The following TRABD2A variants were observed in gnomAD, a reference collection of about 807,000 sequenced individuals.
TRABD2A encodes metalloprotease TIKI1.
Under a neutral mutation model 45.6 loss-of-function variants are expected in TRABD2A, and 43 were observed. The ratio of observed to expected loss-of-function variants is 0.94; its 90% CI spans 0.74 to 1.22. TRABD2A has a LOEUF of 1.22. Among genes scored for constraint, TRABD2A ranks in the 50% most tolerant of loss-of-function variants. The pLI, the probability that TRABD2A is intolerant of heterozygous loss-of-function variation, is 0.00. For missense variants in TRABD2A, 642 were observed against 652.4 expected, an observed-to-expected ratio of 0.98 and a Z score of 0.17; for synonymous variants, 269 against 265.0, an observed-to-expected ratio of 1.02 and a Z score of -0.15.
At chr2:84,837,470 A>G (rs1379412751) in intron 4 of TRABD2A, 3 of 152,190 alleles carry the variant, frequency 2.0e-5, no homozygotes, top group Non-Finnish European at 4.4e-5. Context: ...AAAACTAGAC[A>G]TTTAAATAAT....
intron 5 of TRABD2A, among the ~76,000 whole-genome samples, chr2:84,824,571 G>C (rs1271643578): frequency 9.8e-6 from 1 of 101,984 alleles, no homozygotes; most frequent in African/African-American, 3.7e-5. Flanking sequence ...TTTTTTTTGA[G>C]ATCGGGTTTC....
intron 3 of TRABD2A, 81 bp from the exon 4 acceptor site, chr2:84,839,404 C>T: frequency 2.2e-6 from 3 of 1,348,844 alleles, no homozygotes; most frequent in Non-Finnish European, 3.0e-6. Flanking sequence ...TCAAATCCCC[C>T]AACCTAGATG....
chr2:84,863,239 C>CTTTTTTTTTTTTTTTTGT (rs1682555822), intron 2 of TRABD2A, among the ~76,000 whole-genome samples: 1 of 98,132 alleles, frequency 1.0e-5, no homozygotes, highest in African/African-American at 4.4e-5. Context: ...TCATGTGAAT[C>CTTTTTTTTTTTTTTTTGT]TTTTTTTTTT....
chr2:84,855,130 A>C (rs749074642), intron 2 of TRABD2A, among the ~76,000 whole-genome samples: 1 of 152,038 alleles, frequency 6.6e-6, no homozygotes, highest in Non-Finnish European at 1.5e-5. Flanking sequence ...GAGTACATCT[A>C]CCCCACAGAA....
chr2:84,858,426 C>G (rs1682387586), intron 2 of TRABD2A, among the ~76,000 whole-genome samples: 1 of 152,216 alleles, frequency 6.6e-6, no homozygotes, highest in Non-Finnish European at 1.5e-5. Context: ...TGCTAGCCTT[C>G]CCTTGAAAAT....
chr2:84,879,427 C>T (rs577186221), intron 1 of TRABD2A, among the ~76,000 whole-genome samples: 108 of 152,232 alleles, frequency 7.1e-4, no homozygotes, highest in Middle Eastern at 3.4e-3. Flanking sequence ...AGTGATCCAC[C>T]GCCTTGGCCT....
chr2:84,834,608 T>C (rs530109959), intron 4 of TRABD2A: 10 of 152,366 alleles, frequency 6.6e-5, no homozygotes, highest in Non-Finnish European at 1.2e-4. Flanking sequence ...TCTCTATAGA[T>C]TTGCCTGTTC....
intron 1 of TRABD2A, among the ~76,000 whole-genome samples, chr2:84,877,786 C>T (rs563567395): frequency 7.9e-5 from 12 of 152,238 alleles, no homozygotes; most frequent in Non-Finnish European, 1.5e-4. Context: ...ACACCCTCAG[C>T]TCCTCCCATC....
chr2:84,844,371 GAC>G (rs1440413687), intron 2 of TRABD2A, among the ~76,000 whole-genome samples: 1 of 152,122 alleles, frequency 6.6e-6, no homozygotes, highest in Non-Finnish European at 1.5e-5. Flanking sequence ...CACCATGTAA[GAC>G]ACGCCTTTCC....
chr2:84,858,431 G>A (rs1456856791), intron 2 of TRABD2A, among the ~76,000 whole-genome samples: 2 of 152,180 alleles, frequency 1.3e-5, no homozygotes, highest in Non-Finnish European at 2.9e-5. Context: ...GCCTTCCCTT[G>A]AAAATCCAGC....
In TRABD2A at chr2:84,864,183, C is replaced by G. The variant is rs182550164; in HGVS notation, c.669+6042G>C. ...TGTTCAGAATTCCGAGCTAAGGAAT[C>G]CAGAGATTCATTCCTTGTCTATAAG... On this transcript the variant is annotated intron_variant, in intron 2 of 6. Coordinates refer to ENST00000409520, the MANE Select transcript of TRABD2A (RefSeq NM_001277053.2). 5.3e-5 allele frequency among the ~76,000 whole-genome samples: 8 copies of G among 152,226 alleles called. No individual in the cohort carries two copies. The East Asian group carries it at 1.5e-3, about 29-fold the overall frequency.
chr2:84,853,889 G>A (rs374458636), intron 2 of TRABD2A, among the ~76,000 whole-genome samples: 5 of 152,084 alleles, frequency 3.3e-5, no homozygotes, highest in South Asian at 2.1e-4. Context: ...GCATGGTGGC[G>A]CACACCTGTG....
chr2:84,843,706 C>A (rs1156484086), intron 2 of TRABD2A: 3 of 152,110 alleles, frequency 2.0e-5, no homozygotes, highest in African/African-American at 7.2e-5. Context: ...TTTATTAGGG[C>A]CTTAATCCCA....
chr2:84,870,185 A>G (rs1573953761), intron 2 of TRABD2A, 40 bp downstream of exon 2: 2 of 1,555,952 alleles, frequency 1.3e-6, no homozygotes, highest in Non-Finnish European at 1.7e-6. Flanking sequence ...CACCCATACA[A>G]CCAAATGCCA....
rs543387020 is a variant in TRABD2A, at chr2:84,843,250, T to A, written c.670-1243A>T. 9.2e-5 allele frequency among the ~76,000 whole-genome samples: 14 copies of A among 152,236 alleles called. No individual in the cohort carries two copies. The South Asian group carries it at 2.9e-3, about 32-fold the overall frequency. On this transcript the variant is annotated intron_variant, in intron 2 of 6. Coordinates refer to ENST00000409520, the MANE Select transcript of TRABD2A (RefSeq NM_001277053.2). Reference sequence around the variant, plus strand: ...TTTGCTGGAATATCTCCTCACTCTTTGCTGCAATACAGACAGGCTTGGTCC... The same window carrying A: ...TTTGCTGGAATATCTCCTCACTCTTAGCTGCAATACAGACAGGCTTGGTCC...
chr2:84,862,869 C>CATCCAGGTACAACGTTGGTTTG (rs1553514962), intron 2 of TRABD2A, among the ~76,000 whole-genome samples: 2 of 152,112 alleles, frequency 1.3e-5, no homozygotes, highest in African/African-American at 4.8e-5. Flanking sequence ...CACAGCCAGC[C>CATCCAGGTACAACGTTGGTTTG]ATTCAGGTAC....
At chr2:84,872,419 G>A (rs1018417809) in intron 1 of TRABD2A, among the ~76,000 whole-genome samples, 15 of 152,122 alleles carry the variant, frequency 9.9e-5, no homozygotes, top group Admixed American at 8.5e-4. Context: ...TGAGGTGGGA[G>A]GATTGCTTGA....
In TRABD2A at chr2:84,832,061, A is replaced by G. The variant is rs1681357788; in HGVS notation, c.1076T>C (p.Ile359Thr). Residue 359 changes from isoleucine to threonine, a missense_variant, in exon 5 of 7, where the codon ATC becomes ACC. Transcript: ENST00000409520. ...AGAAGCACAGGACGGTTACTTGTGG[A>G]TGGGTCGTCCAGCAGGGGCGTGTTC... ...EVEHAPAGRP[I>T]HKGKSKKTST... The G allele has an allele frequency of 6.2e-7, 1 of 1,613,880 alleles. No homozygotes were observed. Among genetic ancestry groups the G allele is most frequent in the African/African-American group, 1.3e-5 (1 of 74,928 alleles).
At chr2:84,832,316 A>G (rs1421103811) in intron 4 of TRABD2A, 171 bp from the exon 5 acceptor site, 2 of 629,142 alleles carry the variant, frequency 3.2e-6, no homozygotes, top group Non-Finnish European at 2.8e-6. Flanking sequence ...CAGTCCTGCA[A>G]GGCAGGCAGG....
Sources: gnomAD v4.1 joint callset for allele counts (sites outside exome capture counted in the v4.1 genomes callset) on GRCh38, gnomAD v4.1.1 for gene constraint, MANE v1.5 for transcripts, NCBI Gene and HGNC (gene_info 2026-07-23, HGNC 2026-07-21) for gene names.